EYS: variants seen among roughly 807,000 people sequenced by gnomAD.
The protein encoded by EYS is EGF-like photoreceptor maintenance factor.
In EYS, 250 loss-of-function variants were observed where a neutral mutation model predicts 282.1. That is an observed-to-expected ratio of 0.89 (90% CI 0.80 to 0.98). The LOEUF is 0.98. Among genes scored for constraint, EYS ranks in the 50% least tolerant of loss-of-function variants. The probability of loss-of-function intolerance (pLI) is 0.00; values close to 1 mark genes in which losing one functional copy is unlikely to be tolerated. For missense variants in EYS, 4,016 were observed against 3,709.0 expected, an observed-to-expected ratio of 1.08 and a Z score of -2.15; for synonymous variants, 1,355 against 1,282.9, an observed-to-expected ratio of 1.06 and a Z score of -1.20.
chr6:64,736,919 G>T (rs887258261), intron 22 of EYS, among the ~76,000 whole-genome samples: 12 of 152,062 alleles, frequency 7.9e-5, no homozygotes, highest in Admixed American at 7.9e-4. Context: ...TGAGGGACGT[G>T]TCCTTTTCTA....
intron 18 of EYS, 62 bp from the exon 19 acceptor site, chr6:64,886,904 G>T: frequency 1.1e-6 from 1 of 940,192 alleles, no homozygotes; most frequent in Non-Finnish European, 1.5e-6. Flanking sequence ...TATTATATAT[G>T]ATTCATATTT....
intron 30 of EYS, among the ~76,000 whole-genome samples, chr6:64,297,030 C>T (rs993462035): frequency 6.6e-6 from 1 of 152,192 alleles, no homozygotes; most frequent in African/African-American, 2.4e-5. Context: ...AAAACAGTAG[C>T]ATGCACACAC....
At chr6:64,386,755 T>C (rs1015287993) in intron 29 of EYS, among the ~76,000 whole-genome samples, 1 of 152,206 alleles carries the variant, frequency 6.6e-6, no homozygotes, top group African/African-American at 2.4e-5. Context: ...CCAATAATTA[T>C]TTTTAAGTTC....
chr6:63,956,145 T>C (rs1241830863), intron 35 of EYS, among the ~76,000 whole-genome samples: 2 of 152,168 alleles, frequency 1.3e-5, no homozygotes, highest in Non-Finnish European at 2.9e-5. Flanking sequence ...CTTATTAATA[T>C]AAGAAGACAG....
chr6:64,474,066 CT>C (rs1776197079), intron 26 of EYS, among the ~76,000 whole-genome samples: 1 of 152,162 alleles, frequency 6.6e-6, no homozygotes, highest in South Asian at 2.1e-4. Flanking sequence ...AAAAGGCCCT[CT>C]TCTTTGATCA....
intron 29 of EYS, among the ~76,000 whole-genome samples, chr6:64,308,422 A>C (rs1769541150): frequency 6.6e-6 from 1 of 152,096 alleles, no homozygotes; most frequent in African/African-American, 2.4e-5. Context: ...GGAAAGTAAA[A>C]GTGAATACAG....
intron 31 of EYS, among the ~76,000 whole-genome samples, chr6:64,155,706 C>T (rs1474539921): frequency 2.0e-5 from 3 of 152,058 alleles, no homozygotes; most frequent in Admixed American, 6.6e-5. Context: ...GTAAGGCGAA[C>T]GATGTTGTGT....
chr6:64,619,155 A>G (rs919134610), intron 23 of EYS, among the ~76,000 whole-genome samples: 10 of 152,200 alleles, frequency 6.6e-5, no homozygotes, highest in African/African-American at 2.2e-4. Flanking sequence ...CTCAGAACAC[A>G]TGGTAGTTAT....
chr6:64,340,210 GAA>G (rs941247459), intron 29 of EYS, among the ~76,000 whole-genome samples: 17 of 150,234 alleles, frequency 1.1e-4, no homozygotes, highest in South Asian at 8.4e-4. Flanking sequence ...AAGAAAGAAA[GAA>G]AAAGAGTATT....
intron 30 of EYS, among the ~76,000 whole-genome samples, chr6:64,278,740 T>TC (rs1768202364): frequency 6.9e-6 from 1 of 143,908 alleles, no homozygotes; most frequent in African/African-American, 2.9e-5. Context: ...CTCTCTCTCT[T>TC]TCTCTCTTTC....
At chr6:64,736,841 T>A (rs1772199682) in intron 22 of EYS, among the ~76,000 whole-genome samples, 1 of 152,130 alleles carries the variant, frequency 6.6e-6, no homozygotes, top group African/African-American at 2.4e-5. Flanking sequence ...GAGAATAAGG[T>A]AATCACACAA....
At chr6:64,202,291 TATTTTC>T (rs1420487917) in intron 31 of EYS, among the ~76,000 whole-genome samples, 2 of 152,144 alleles carry the variant, frequency 1.3e-5, no homozygotes, top group Non-Finnish European at 2.9e-5. Context: ...CATTCCCAGT[TATTTTC>T]TGAGAAGCAT....
At chr6:64,566,389 C>CA (rs1277071910) in intron 26 of EYS, among the ~76,000 whole-genome samples, 1 of 152,068 alleles carries the variant, frequency 6.6e-6, no homozygotes, top group Non-Finnish European at 1.5e-5. Context: ...GTAAAAATTG[C>CA]AAAATAAATG....
At chr6:64,974,349 T>G (rs1181761225) in intron 14 of EYS, among the ~76,000 whole-genome samples, 1 of 151,782 alleles carries the variant, frequency 6.6e-6, no homozygotes, top group Non-Finnish European at 1.5e-5. Flanking sequence ...GTACTTCTTG[T>G]GATTCAAACG....
intron 2 of EYS, among the ~76,000 whole-genome samples, chr6:65,557,213 C>T (rs1003375545): frequency 6.6e-6 from 1 of 152,110 alleles, no homozygotes; most frequent in Non-Finnish European, 1.5e-5. Context: ...AGGCTTGCTC[C>T]GCCCACCCAG....
chr6:64,573,505 G>T (rs934136342), intron 26 of EYS, among the ~76,000 whole-genome samples: 5 of 152,106 alleles, frequency 3.3e-5, no homozygotes, highest in Non-Finnish European at 1.5e-5. Flanking sequence ...TACAAAATGG[G>T]AGAAAAGTTT....
At position 65,347,298 on chromosome 6, in the gene EYS, T is replaced by C. The variant is rs190111814; in HGVS notation, c.1460-3121A>G. On this transcript the variant is annotated intron_variant, in intron 9 of 42. Coordinates refer to ENST00000503581, the MANE Select transcript of EYS (RefSeq NM_001142800.2). The stretch of plus-strand genomic sequence containing the variant: ...CATATTTAGGGATACTCTCTGTGTC[T>C]TCGTATGTAAACTGGGTGTTTATAT... 6.6e-5 allele frequency among the ~76,000 whole-genome samples: 10 copies of C among 151,928 alleles called. No homozygotes were observed. In the East Asian group the frequency reaches 1.2e-3, roughly 18 times the overall value.
intron 12 of EYS, among the ~76,000 whole-genome samples, chr6:65,075,617 G>C (rs1220473997): frequency 6.6e-6 from 1 of 151,866 alleles, no homozygotes; most frequent in Non-Finnish European, 1.5e-5. Flanking sequence ...AAATAGTATT[G>C]TATCAGTCTT....
chr6:64,395,643 G>T (rs1773338420), intron 28 of EYS, among the ~76,000 whole-genome samples: 1 of 129,844 alleles, frequency 7.7e-6, no homozygotes, highest in Non-Finnish European at 1.7e-5. Context: ...CGGGTTGGGG[G>T]GAGGGGGGAG....
Sources: allele counts gnomAD v4.1 joint callset (sites outside exome capture counted in the v4.1 genomes callset), GRCh38; gene constraint gnomAD v4.1.1; transcripts MANE v1.5; gene names NCBI Gene and HGNC (gene_info 2026-07-23, HGNC 2026-07-21).